Variants in CRLS1 observed in about 807,000 individuals in gnomAD.
CRLS1 encodes the protein cardiolipin synthase (CMP-forming).
A neutral mutation model predicts 37.0 loss-of-function variants in CRLS1; 24 were observed. The ratio of observed to expected loss-of-function variants is 0.65; its 90% CI spans 0.47 to 0.91. CRLS1 has a LOEUF of 0.91. CRLS1 is among the 40% of genes least tolerant of loss of function. The probability of loss-of-function intolerance (pLI) is 0.00; values close to 1 mark genes in which losing one functional copy is unlikely to be tolerated. For missense variants in CRLS1, 373 were observed against 395.8 expected (o/e 0.94, Z 0.49); for synonymous variants, 135 against 159.7 (o/e 0.85, Z 1.17).
chr20:6,024,175 C>A (rs946710912), intron 3 of CRLS1, among the ~76,000 whole-genome samples: 1 of 152,076 alleles, frequency 6.6e-6, no homozygotes, highest in Non-Finnish European at 1.5e-5. Flanking sequence ...AAGCTGCTCT[C>A]GAACTCCTGG....
At chr20:6,034,592 A>G (rs930919590) in intron 6 of CRLS1, 37 bp downstream of exon 6, 1 of 1,409,804 alleles carries the variant, frequency 7.1e-7, no homozygotes, top group Non-Finnish European at 1.0e-6. Context: ...TAGAATGTCA[A>G]CAGAATGACT....
chr20:6,012,746 T>TGGATCTGGGTAAAATCCA (rs1414013609), intron 2 of CRLS1, among the ~76,000 whole-genome samples: 2 of 152,172 alleles, frequency 1.3e-5, no homozygotes, highest in African/African-American at 4.8e-5. Flanking sequence ...TATAGATGGT[T>TGGATCTGGGTAAAATCCA]GGATCTGGGT....
chr20:6,023,638 G>GTTTT (rs11480139), intron 3 of CRLS1, among the ~76,000 whole-genome samples: 5 of 144,920 alleles, frequency 3.5e-5, no homozygotes, highest in Non-Finnish European at 4.5e-5. Flanking sequence ...AAAAATCTTT[G>GTTTT]TTTTTTTTTT....
intron 2 of CRLS1, 122 bp downstream of exon 2, chr20:6,010,034 G>T: frequency 2.1e-6 from 2 of 971,458 alleles, no homozygotes; most frequent in Non-Finnish European, 2.9e-6. Flanking sequence ...TGAATTTGAC[G>T]TGGTACTTTT....
intron 2 of CRLS1, among the ~76,000 whole-genome samples, chr20:6,013,470 G>C (rs546216205): frequency 6.6e-6 from 1 of 152,138 alleles, no homozygotes; most frequent in African/African-American, 2.4e-5. Context: ...GAAGGTGAGA[G>C]GGCATGGGAA....
At chr20:6,034,601 C>CT (rs1980415818) in intron 6 of CRLS1, 46 bp downstream of exon 6, 1 of 1,348,862 alleles carries the variant, frequency 7.4e-7, no homozygotes, top group African/African-American at 1.4e-5. Context: ...AACAGAATGA[C>CT]TTATGGTGAT....
chr20:6,024,770 A>C (rs1256742825), intron 3 of CRLS1, among the ~76,000 whole-genome samples: 2 of 152,240 alleles, frequency 1.3e-5, no homozygotes, highest in Non-Finnish European at 2.9e-5. Flanking sequence ...GAACACACAA[A>C]TGTTAAGTAA....
chr20:6,025,168 G>A (rs1244049992), intron 3 of CRLS1, among the ~76,000 whole-genome samples: 2 of 152,216 alleles, frequency 1.3e-5, no homozygotes, highest in African/African-American at 4.8e-5. Flanking sequence ...TTCATAGGTA[G>A]AGAGAGGTCA....
intron 3 of CRLS1, 140 bp downstream of exon 3, chr20:6,015,630 G>A (rs1978689968): frequency 1.2e-6 from 1 of 806,172 alleles, no homozygotes; most frequent in Non-Finnish European, 2.0e-6. Flanking sequence ...ATTTTAAACT[G>A]TTGAACTGTT....
Position 6,031,992 on chromosome 20 carries a change from C to G in CRLS1, c.661-20C>G. On this transcript the variant is annotated intron_variant, in intron 4 of 6. Transcript: ENST00000378863. The stretch of plus-strand genomic sequence containing the variant: ...TTAAACAATAAGTTAATTACTTTAT[C>G]TTTTTTGGTCCTCTGCCAGCGAACA... 1 of 1,591,100 alleles carries G rather than the reference C, an allele frequency of 6.3e-7. No individual in the cohort carries two copies. Among genetic ancestry groups the G allele is most frequent in the African/African-American group, 1.3e-5 (1 of 74,478 alleles).
intron 3 of CRLS1, among the ~76,000 whole-genome samples, chr20:6,020,929 G>T (rs1416268166): frequency 6.6e-6 from 1 of 151,848 alleles, no homozygotes; most frequent in Admixed American, 6.6e-5. Flanking sequence ...ACCGCGCCCG[G>T]CCTAATCCTG....
intron 1 of CRLS1, 103 bp from the exon 2 acceptor site, chr20:6,009,672 C>T: frequency 1.1e-6 from 1 of 874,994 alleles, no homozygotes. Context: ...TATGTAGCTT[C>T]TGACTGAAGT....
chr20:6,037,153 G>A lies in CRLS1; in HGVS notation c.901G>A (p.Asp301Asn). 6.2e-7 allele frequency: 1 copy of A among 1,610,888 alleles called. No individual in the cohort carries two copies. The highest frequency in any genetic ancestry group is 8.5e-7 in the Non-Finnish European group (1 of 1,177,484). Residue 301 changes from aspartate (D) to asparagine (N), a missense_variant, in exon 7 of 7, where the codon GAC becomes AAC. Coordinates refer to ENST00000378863, the MANE Select transcript of CRLS1 (RefSeq NM_019095.6). ...YGRKTVQVIK[D>N] The stretch of plus-strand genomic sequence containing the variant: ...CCGGAAGACTGTTCAGGTGATAAAA[G>A]ACTGATGAAAGTCATCCCTCACTGT...
chr20:6,006,232 C>A lies in CRLS1; in HGVS notation c.-15C>A. The stretch of plus-strand genomic sequence containing the variant: ...GCTCTCGCCGCCCGAGACCCCGCGG[C>A]GCGGCCGCAGGGCCATGCTAGCCTT... On this transcript the variant is annotated 5_prime_UTR_variant, in exon 1 of 7. Coordinates refer to ENST00000378863, the MANE Select transcript of CRLS1 (RefSeq NM_019095.6). 1.6e-6 allele frequency: 2 copies of A among 1,219,936 alleles called. No individual in the cohort carries two copies. The highest frequency in any genetic ancestry group is 3.9e-5 in the South Asian group (1 of 25,406). The allele number at this position is 1,219,936 out of a possible 1,614,324, so 75.6% of individuals were successfully genotyped here. A position where few individuals can be genotyped will look rare whatever the true frequency, so the allele number is the denominator to read the frequency against.
chr20:6,019,930 C>CCT (rs1465115881), intron 3 of CRLS1, among the ~76,000 whole-genome samples: 1 of 152,018 alleles, frequency 6.6e-6, no homozygotes, highest in Non-Finnish European at 1.5e-5. Context: ...ACCTTAGGTG[C>CCT]CTCTACCTCT....
chr20:6,015,156 G>A (rs1405507368), intron 2 of CRLS1, among the ~76,000 whole-genome samples: 1 of 152,036 alleles, frequency 6.6e-6, no homozygotes, highest in Non-Finnish European at 1.5e-5. Context: ...AAATAAATGT[G>A]CATTTATTTT....
At position 6,037,962 on chromosome 20, in the gene CRLS1, G is replaced by C. The variant is rs968456103; in HGVS notation, c.*804G>C. ...TATTTTATGTAAATAATATCAAGCT[G>C]TATATTTTTCAAAGGTTTTTTAAAC... On this transcript the variant is annotated 3_prime_UTR_variant, in exon 7 of 7. Transcript: ENST00000378863. 6.6e-6 allele frequency: 1 copy of C among 152,082 alleles called. No individual in the cohort carries two copies. Among genetic ancestry groups the C allele is most frequent in the African/African-American group, 2.4e-5 (1 of 41,412 alleles). The allele number at this position is 152,082 out of a possible 1,614,324, so 9.4% of individuals were successfully genotyped here. A position where few individuals can be genotyped will look rare whatever the true frequency, so the allele number is the denominator to read the frequency against.
chr20:6,032,363 CTTTTT>C (rs199513049), intron 5 of CRLS1, among the ~76,000 whole-genome samples: 2 of 130,138 alleles, frequency 1.5e-5, no homozygotes, highest in East Asian at 2.1e-4. Flanking sequence ...GTAATTGTTC[CTTTTT>C]TTTTTTTTTT....
In CRLS1 at chr20:6,032,042, T is replaced by A; in HGVS notation, c.691T>A (p.Tyr231Asn). Residue 231 changes from tyrosine (Y) to asparagine (N), a missense_variant, in exon 5 of 7, where the codon TAT (tyrosine) becomes AAT (asparagine). Tyr to Asn is a moderately radical substitution (Grantham distance 143). Transcript: ENST00000378863. ...RTLAKYFNPC[Y>N]ATARLKPTFI... is the part of the protein sequence containing the mutation. ...ACTTGCCAAGTATTTCAATCCTTGCTATGCCACTGCTAGGTTAAAACCAAC... is the reference window on the plus strand; with the variant it reads ...ACTTGCCAAGTATTTCAATCCTTGCAATGCCACTGCTAGGTTAAAACCAAC... 1.2e-6 allele frequency: 2 copies of A among 1,613,024 alleles called. No homozygotes were observed. Among genetic ancestry groups the A allele is most frequent in the Non-Finnish European group, 1.7e-6 (2 of 1,179,160 alleles).
Sources: allele counts gnomAD v4.1 joint callset (sites outside exome capture counted in the v4.1 genomes callset), GRCh38; gene constraint gnomAD v4.1.1; transcripts MANE v1.5; gene names NCBI Gene and HGNC (gene_info 2026-07-23, HGNC 2026-07-21).